The following COMMD1 variants were observed in gnomAD, a reference collection of about 807,000 sequenced individuals.
COMMD1 encodes the protein COMM domain-containing protein 1.
A neutral mutation model predicts 17.2 loss-of-function variants in COMMD1; 10 were observed. The ratio of observed to expected loss-of-function variants is 0.58; its 90% CI spans 0.36 to 0.99. The LOEUF (loss-of-function observed/expected upper bound fraction) is 0.99. Among genes scored for constraint, COMMD1 ranks in the 50% least tolerant of loss-of-function variants. The pLI is 0.01. For synonymous variants in COMMD1, 97 were observed against 91.6 expected, an observed-to-expected ratio of 1.06 and a Z score of -0.34; for missense variants, 270 against 231.8, an observed-to-expected ratio of 1.17 and a Z score of -1.07.
chr2:61,970,010 A>G (rs1671604098), intron 1 of COMMD1, among the ~76,000 whole-genome samples: 1 of 152,118 alleles, frequency 6.6e-6, no homozygotes, highest in African/African-American at 2.4e-5. Flanking sequence ...TAATCCCAGC[A>G]CTCTGGGAGG....
chr2:62,027,236 A>G (rs866282372), intron 2 of COMMD1, among the ~76,000 whole-genome samples: 9 of 152,138 alleles, frequency 5.9e-5, no homozygotes, highest in Non-Finnish European at 4.4e-5. Flanking sequence ...GTAGCATTCT[A>G]TATTATGAGC....
At chr2:61,935,743 T>C (rs6749457) in intron 1 of COMMD1, among the ~76,000 whole-genome samples, 7,401 of 152,186 alleles carry the variant, frequency 0.049, 602 homozygotes, top group African/African-American at 0.17. Context: ...CCAAATCTAA[T>C]CTTATTAAAT....
intron 2 of COMMD1, among the ~76,000 whole-genome samples, chr2:62,015,770 G>C (rs1001826357): frequency 7.5e-6 from 1 of 134,166 alleles, no homozygotes; most frequent in African/African-American, 2.8e-5. Flanking sequence ...ATTTAGTTTT[G>C]AGTTGAAGTC....
intron 2 of COMMD1, among the ~76,000 whole-genome samples, chr2:62,106,895 A>G (rs1036535687): frequency 6.6e-6 from 1 of 152,230 alleles, no homozygotes; most frequent in African/African-American, 2.4e-5. Context: ...ATTAATCTAC[A>G]TGCTTGCAAG....
Position 62,102,827 on chromosome 2 carries a change from G to A in COMMD1, c.463-33004G>A, listed in dbSNP as rs147484785. ...CCATAACACCCTGGTTCCACAGAGG[G>A]TCCTGTCCCACACCCAGAAGGAAGG... is the stretch of plus-strand genomic sequence containing the variant. On this transcript the variant is annotated intron_variant, in intron 2 of 2. Coordinates refer to ENST00000311832, the MANE Select transcript of COMMD1 (RefSeq NM_152516.4). Among the ~76,000 whole-genome samples, 346 of 152,252 alleles carry A rather than the reference G, an allele frequency of 2.3e-3. 2 individuals carry two copies. The highest frequency in any genetic ancestry group is 7.9e-3 in the African/African-American group (328 of 41,542).
chr2:61,924,747 T>C (rs556154205), intron 1 of COMMD1, among the ~76,000 whole-genome samples: 1 of 152,280 alleles, frequency 6.6e-6, no homozygotes, highest in African/African-American at 2.4e-5. Flanking sequence ...CATGCAGTAT[T>C]GCAGTGAAAG....
chr2:61,930,132 C>G (rs1670424817), intron 1 of COMMD1, among the ~76,000 whole-genome samples: 1 of 152,098 alleles, frequency 6.6e-6, no homozygotes, highest in Non-Finnish European at 1.5e-5. Context: ...GAGGGGGAAG[C>G]CAGCTGACTG....
At chr2:61,906,057 T>C (rs1399766240) in intron 1 of COMMD1, among the ~76,000 whole-genome samples, 199 bp downstream of exon 1, 1 of 152,248 alleles carries the variant, frequency 6.6e-6, no homozygotes, top group Non-Finnish European at 1.5e-5. Flanking sequence ...AGGGGGACTT[T>C]TTCTGCTGAA....
intron 1 of COMMD1, among the ~76,000 whole-genome samples, chr2:61,913,366 C>CAAAAAAAAAAAAAA (rs767142777): frequency 2.4e-5 from 1 of 41,996 alleles, no homozygotes. Context: ...GACTCCATCT[C>CAAAAAAAAAAAAAA]AAAAAAAAAA....
At chr2:62,000,606 A>T in intron 1 of COMMD1, 95 bp from the exon 2 acceptor site, 1 of 1,203,594 alleles carries the variant, frequency 8.3e-7, no homozygotes, top group Non-Finnish European at 1.2e-6. Flanking sequence ...TCAGTGATTT[A>T]AGAGTCACTC....
At chr2:61,975,412 C>A (rs1671775477) in intron 1 of COMMD1, among the ~76,000 whole-genome samples, 1 of 151,992 alleles carries the variant, frequency 6.6e-6, no homozygotes, top group Admixed American at 6.6e-5. Flanking sequence ...ATGCATATGG[C>A]AAGAGTATGT....
intron 2 of COMMD1, among the ~76,000 whole-genome samples, chr2:62,030,294 C>T (rs1405848583): frequency 2.0e-5 from 3 of 152,142 alleles, no homozygotes; most frequent in Non-Finnish European, 4.4e-5. Context: ...ATTTCTATGA[C>T]CCACCTTGGG....
At chr2:62,026,438 G>T (rs1333868669) in intron 2 of COMMD1, among the ~76,000 whole-genome samples, 1 of 152,126 alleles carries the variant, frequency 6.6e-6, no homozygotes, top group Non-Finnish European at 1.5e-5. Context: ...ACTCACTATG[G>T]TGAGGACTGC....
At chr2:61,929,514 CTT>C (rs1458907944) in intron 1 of COMMD1, among the ~76,000 whole-genome samples, 2 of 152,306 alleles carry the variant, frequency 1.3e-5, no homozygotes, top group East Asian at 3.9e-4. Flanking sequence ...ATATCATACT[CTT>C]TTGCCCTATC....
intron 2 of COMMD1, among the ~76,000 whole-genome samples, chr2:62,099,997 A>T (rs555726590): frequency 1.3e-5 from 2 of 152,270 alleles, no homozygotes; most frequent in Non-Finnish European, 2.9e-5. Flanking sequence ...GTGCACACAG[A>T]CAAGCCAATT....
In COMMD1 at chr2:62,104,252, G is replaced by A. The variant is rs1672262221; in HGVS notation, c.463-31579G>A. 2.0e-5 allele frequency among the ~76,000 whole-genome samples: 3 copies of A among 152,312 alleles called. No individual in the cohort carries two copies. The South Asian group carries it at 6.2e-4, about 32-fold the overall frequency. On this transcript the variant is annotated intron_variant, in intron 2 of 2. Coordinates refer to ENST00000311832, the MANE Select transcript of COMMD1 (RefSeq NM_152516.4). ...TTACGCTTATAATCCCAACACTTTG[G>A]GAGACCAAGGCAGAGGATCACTTGA...
intron 1 of COMMD1, among the ~76,000 whole-genome samples, chr2:61,927,116 T>C (rs937384121): frequency 1.3e-5 from 2 of 152,170 alleles, no homozygotes; most frequent in African/African-American, 2.4e-5. Flanking sequence ...AAAATGCAGA[T>C]TGGTCATTTC....
chr2:62,065,792 G>A (rs977042433), intron 2 of COMMD1, among the ~76,000 whole-genome samples: 1 of 152,134 alleles, frequency 6.6e-6, no homozygotes, highest in African/African-American at 2.4e-5. Context: ...ATACCTCAAA[G>A]CAAAAATTAA....
At chr2:62,041,846 C>T (rs1397646107) in intron 2 of COMMD1, among the ~76,000 whole-genome samples, 1 of 152,182 alleles carries the variant, frequency 6.6e-6, no homozygotes, top group South Asian at 2.1e-4. Flanking sequence ...AGTCAAGCTG[C>T]AGACTTTTGC....
Sources: allele counts gnomAD v4.1 joint callset (sites outside exome capture counted in the v4.1 genomes callset), GRCh38; gene constraint gnomAD v4.1.1; transcripts MANE v1.5; gene names NCBI Gene and HGNC (gene_info 2026-07-23, HGNC 2026-07-21).